KIAA1217: variants seen among roughly 807,000 people sequenced by gnomAD.
The protein encoded by KIAA1217 is KIAA1217, also known as sickle tail protein homolog.
KIAA1217 carries 88 observed loss-of-function variants against 163.9 expected under a neutral mutation model. The observed-to-expected ratio is 0.54, with a 90% confidence interval of 0.45 to 0.64. KIAA1217 has a LOEUF of 0.64. KIAA1217 is among the 30% of genes least tolerant of loss of function. The pLI is 0.00. For missense variants in KIAA1217, 2,372 were observed against 2,475.0 expected, an observed-to-expected ratio of 0.96 and a Z score of 0.88; for synonymous variants, 903 against 923.1, an observed-to-expected ratio of 0.98 and a Z score of 0.39.
chr10:23,806,283 G>A (rs1243044299), intron 1 of KIAA1217, among the ~76,000 whole-genome samples: 1 of 151,990 alleles, frequency 6.6e-6, no homozygotes, highest in South Asian at 2.1e-4. Context: ...TAGGTTAAAA[G>A]GATGCATATT....
intron 2 of KIAA1217, among the ~76,000 whole-genome samples, chr10:24,036,400 G>T (rs866270162): frequency 1.3e-5 from 2 of 152,196 alleles, no homozygotes; most frequent in Admixed American, 1.3e-4. Flanking sequence ...ATTCAATAGT[G>T]ATATCACTGA....
intron 2 of KIAA1217, among the ~76,000 whole-genome samples, chr10:24,154,968 G>A (rs2064809136): frequency 6.6e-6 from 1 of 151,716 alleles, no homozygotes; most frequent in African/African-American, 2.4e-5. Context: ...TGGTAGCCAG[G>A]TGTCTGGGGA....
At chr10:24,001,069 A>AAC (rs35481656) in intron 1 of KIAA1217, among the ~76,000 whole-genome samples, 41,494 of 149,190 alleles carry the variant, frequency 0.28, 5,716 homozygotes, top group East Asian at 0.42. Flanking sequence ...CTGCAAAGTA[A>AAC]ACACACACAC....
chr10:24,287,269 T>C (rs1177073388), intron 2 of KIAA1217, among the ~76,000 whole-genome samples: 3 of 152,216 alleles, frequency 2.0e-5, no homozygotes, highest in Non-Finnish European at 2.9e-5. Context: ...CAGGCTGGTC[T>C]TGAACTCCTG....
chr10:24,192,292 G>A (rs1245233836), intron 2 of KIAA1217, among the ~76,000 whole-genome samples: 1 of 152,202 alleles, frequency 6.6e-6, no homozygotes, highest in Non-Finnish European at 1.5e-5. Flanking sequence ...TGTCTTCAGA[G>A]ACAAGGATGC....
chr10:24,424,341 T>C (rs1162648141), intron 3 of KIAA1217, among the ~76,000 whole-genome samples: 3 of 152,188 alleles, frequency 2.0e-5, no homozygotes, highest in African/African-American at 7.2e-5. Context: ...AGGTAAGAAT[T>C]GCTAACTTCT....
At chr10:24,190,284 G>T (rs907176200) in intron 2 of KIAA1217, among the ~76,000 whole-genome samples, 2 of 152,114 alleles carry the variant, frequency 1.3e-5, no homozygotes, top group East Asian at 1.9e-4. Context: ...CTAGTGACCT[G>T]CAAGGTACCA....
chr10:24,510,583 T>G (rs1337426701), intron 9 of KIAA1217, among the ~76,000 whole-genome samples: 6 of 152,204 alleles, frequency 3.9e-5, no homozygotes, highest in African/African-American at 1.4e-4. Context: ...CATTGGTCAC[T>G]CTTAGACCCA....
At chr10:24,032,088 T>C (rs138523911) in intron 2 of KIAA1217, among the ~76,000 whole-genome samples, 1 of 151,292 alleles carries the variant, frequency 6.6e-6, no homozygotes, top group African/African-American at 2.4e-5. Flanking sequence ...TCTTTTTTAA[T>C]ATTTGGCTTT....
At chr10:24,331,494 T>C (rs1005781236) in intron 2 of KIAA1217, among the ~76,000 whole-genome samples, 2 of 152,228 alleles carry the variant, frequency 1.3e-5, no homozygotes, top group Non-Finnish European at 2.9e-5. Flanking sequence ...AATCTAGCAG[T>C]AGTAATTATG....
chr10:24,214,220 G>A (rs143300753), intron 1 of KIAA1217, among the ~76,000 whole-genome samples: 336 of 152,190 alleles, frequency 2.2e-3, no homozygotes, highest in African/African-American at 7.6e-3. Context: ...AGGATTCTGC[G>A]GCCTGCTAAC....
intron 9 of KIAA1217, among the ~76,000 whole-genome samples, chr10:24,505,963 C>G (rs2068291570): frequency 6.6e-6 from 1 of 152,018 alleles, no homozygotes. Flanking sequence ...TCCCTGAGAA[C>G]AGCATATTGG....
intron 2 of KIAA1217, among the ~76,000 whole-genome samples, chr10:24,040,185 C>T (rs371826325): frequency 6.4e-4 from 98 of 152,246 alleles, no homozygotes; most frequent in Non-Finnish European, 1.1e-3. Context: ...GATTTGTATC[C>T]GCCAGGGTCC....
chr10:24,318,719 G>T (rs7098629), intron 2 of KIAA1217, among the ~76,000 whole-genome samples: 23,552 of 152,092 alleles, frequency 0.15, 1,812 homozygotes, highest in African/African-American at 0.16. Context: ...TTCCTATTCC[G>T]CTTTGATTTT....
At chr10:24,027,777 A>G (rs985511418) in intron 2 of KIAA1217, among the ~76,000 whole-genome samples, 4 of 152,146 alleles carry the variant, frequency 2.6e-5, no homozygotes, top group African/African-American at 7.2e-5. Flanking sequence ...ACATTTGTGT[A>G]TAAGAACAAA....
intron 1 of KIAA1217, among the ~76,000 whole-genome samples, chr10:23,967,780 T>A (rs1845128117): frequency 6.6e-6 from 1 of 152,170 alleles, no homozygotes; most frequent in Non-Finnish European, 1.5e-5. Flanking sequence ...ATTGATATTG[T>A]TTAGAGGTGA....
chr10:24,075,146 AC>A (rs2061330037), intron 2 of KIAA1217, among the ~76,000 whole-genome samples: 3 of 146,200 alleles, frequency 2.1e-5, no homozygotes, highest in African/African-American at 8.3e-5. Context: ...ACACACACAC[AC>A]ACACACACAC....
intron 6 of KIAA1217, among the ~76,000 whole-genome samples, chr10:24,486,983 A>C (rs190668502): frequency 4.6e-5 from 7 of 152,318 alleles, no homozygotes; most frequent in Admixed American, 4.6e-4. Flanking sequence ...GGCTGAAAGA[A>C]AGGTCACCGC....
chr10:24,127,756 G>A (rs2063517528), intron 2 of KIAA1217, among the ~76,000 whole-genome samples: 1 of 152,112 alleles, frequency 6.6e-6, no homozygotes, highest in African/African-American at 2.4e-5. Flanking sequence ...AAAATAATTA[G>A]TTGATTAAAA....
Sources: gnomAD v4.1 joint callset for allele counts (sites outside exome capture counted in the v4.1 genomes callset) on GRCh38, gnomAD v4.1.1 for gene constraint, MANE v1.5 for transcripts, NCBI Gene and HGNC (gene_info 2026-07-23, HGNC 2026-07-21) for gene names.